Variants in PRKCA observed in about 807,000 individuals in gnomAD.
PRKCA encodes protein kinase C alpha.
Under a neutral mutation model 87.0 loss-of-function variants are expected in PRKCA, and 27 were observed. That is an observed-to-expected ratio of 0.31 (90% CI 0.23 to 0.43). The LOEUF (loss-of-function observed/expected upper bound fraction) is 0.43. Ranked by LOEUF, PRKCA falls within the 20% of genes least tolerant of loss-of-function variation. PRKCA has a pLI of 1.00. For synonymous variants in PRKCA, 329 were observed against 311.1 expected (o/e 1.06, Z -0.61); for missense variants, 518 against 852.3 (o/e 0.61, Z 4.88).
In PRKCA at chr17:66,314,875, A is replaced by ATATG. The variant is rs376227848; in HGVS notation, c.205+8749_205+8750insATGT. Among the ~76,000 whole-genome samples the ATATG allele has an allele frequency of 6.3e-3, 939 of 148,650 alleles. 5 individuals carry two copies. The highest frequency in any genetic ancestry group is 0.02 in the African/African-American group (814 of 40,332). ...TCTCTCTCTCTCTAGATATATATAT[A>ATATG]TGTGTGTGTGTGTGTGTGTGTGTGT... is the stretch of plus-strand genomic sequence containing the variant. On this transcript the variant is annotated intron_variant, in intron 2 of 16. Coordinates refer to ENST00000413366, the MANE Select transcript of PRKCA (RefSeq NM_002737.3).
intron 5 of PRKCA, among the ~76,000 whole-genome samples, chr17:66,655,347 T>A (rs530513119): frequency 1.3e-5 from 2 of 152,300 alleles, no homozygotes; most frequent in East Asian, 3.9e-4. Flanking sequence ...CCCTACACGT[T>A]TGCACTCAGA....
chr17:66,545,150 T>G (rs55739796), intron 3 of PRKCA, among the ~76,000 whole-genome samples: 3 of 152,088 alleles, frequency 2.0e-5, no homozygotes, highest in Admixed American at 1.3e-4. Context: ...TAATTTAGGC[T>G]GGGCGCAGTG....
At chr17:66,678,652 G>A (rs1450476359) in intron 5 of PRKCA, among the ~76,000 whole-genome samples, 8 of 147,494 alleles carry the variant, frequency 5.4e-5, no homozygotes, top group Non-Finnish European at 1.2e-4. Context: ...GGGCTAAACA[G>A]TCCTTGTTGA....
chr17:66,609,972 G>A (rs1015486869), intron 3 of PRKCA, among the ~76,000 whole-genome samples: 1 of 151,910 alleles, frequency 6.6e-6, no homozygotes. Context: ...GTGTCCTATA[G>A]TTCAGTGTAA....
intron 2 of PRKCA, among the ~76,000 whole-genome samples, chr17:66,387,576 G>T (rs1046436203): frequency 4.6e-5 from 7 of 152,188 alleles, no homozygotes; most frequent in Non-Finnish European, 7.3e-5. Flanking sequence ...GGGTTCTTGG[G>T]ACAAGTGGCT....
chr17:66,587,047 A>G (rs1005044826), intron 3 of PRKCA, among the ~76,000 whole-genome samples: 3 of 152,200 alleles, frequency 2.0e-5, no homozygotes, highest in African/African-American at 7.2e-5. Flanking sequence ...GTGTCTACTC[A>G]GAAACCTCAC....
At chr17:66,731,426 G>A (rs918313847) in intron 8 of PRKCA, among the ~76,000 whole-genome samples, 1 of 151,894 alleles carries the variant, frequency 6.6e-6, no homozygotes, top group Non-Finnish European at 1.5e-5. Flanking sequence ...GGCTGTGGAG[G>A]TCTAGCCAGG....
chr17:66,560,157 G>T (rs146091380), intron 3 of PRKCA, among the ~76,000 whole-genome samples: 1 of 152,104 alleles, frequency 6.6e-6, no homozygotes, highest in Non-Finnish European at 1.5e-5. Context: ...TGTGCTTGGC[G>T]GAGAGAGGCA....
chr17:66,399,778 G>A (rs1292683387), intron 2 of PRKCA, among the ~76,000 whole-genome samples: 1 of 152,140 alleles, frequency 6.6e-6, no homozygotes, highest in African/African-American at 2.4e-5. Context: ...TGTAGCATGT[G>A]ACAGGCTTCC....
At chr17:66,729,645 A>G (rs548671753) in intron 8 of PRKCA, among the ~76,000 whole-genome samples, 1 of 152,200 alleles carries the variant, frequency 6.6e-6, no homozygotes, top group South Asian at 2.1e-4. Context: ...CGTGTTTCAC[A>G]CTTTCAGTCT....
At chr17:66,755,886 C>T (rs1246534241) in intron 13 of PRKCA, among the ~76,000 whole-genome samples, 2 of 152,138 alleles carry the variant, frequency 1.3e-5, no homozygotes, top group Non-Finnish European at 2.9e-5. Context: ...TCCCTAGAGC[C>T]ATTGGAAAAA....
Position 66,554,515 on chromosome 17 carries a change from A to G in PRKCA, c.288+58232A>G, listed in dbSNP as rs1968438039. 4 of 952,324 alleles carry G rather than the reference A, an allele frequency of 4.2e-6. No individual in the cohort carries two copies. In the South Asian group the frequency reaches 1.5e-4, roughly 35 times the overall value. 59.0% of individuals were successfully genotyped at this position (952,324 alleles called of 1,614,324 possible). ...ACTACTCACATCATTTCTATTACCT[A>G]CAGCTCTTCTCCCCTGTATTGCTAG... On this transcript the variant is annotated intron_variant, in intron 3 of 16. Coordinates refer to ENST00000413366, the MANE Select transcript of PRKCA (RefSeq NM_002737.3).
At chr17:66,593,805 T>C (rs1969886974) in intron 3 of PRKCA, among the ~76,000 whole-genome samples, 1 of 152,146 alleles carries the variant, frequency 6.6e-6, no homozygotes. Context: ...TTTATCTGGC[T>C]GGGTGTGGGG....
intron 2 of PRKCA, among the ~76,000 whole-genome samples, chr17:66,452,650 A>G (rs1390202092): frequency 6.6e-6 from 1 of 152,176 alleles, no homozygotes; most frequent in Non-Finnish European, 1.5e-5. Flanking sequence ...GAAACCCACC[A>G]GTGGGTTCCA....
intron 3 of PRKCA, among the ~76,000 whole-genome samples, chr17:66,562,586 T>G (rs986450619): frequency 1.1e-5 from 1 of 91,680 alleles, no homozygotes; most frequent in Admixed American, 1.1e-4. Flanking sequence ...CTAAGTTTTG[T>G]TTTTTTTTGT....
chr17:66,622,687 C>G (rs1970720553), intron 3 of PRKCA, among the ~76,000 whole-genome samples: 3 of 152,188 alleles, frequency 2.0e-5, no homozygotes, highest in Non-Finnish European at 4.4e-5. Context: ...AAAAGTAGGT[C>G]TAATGGACTC....
chr17:66,650,707 G>A (rs772665848), intron 5 of PRKCA, among the ~76,000 whole-genome samples: 1 of 152,074 alleles, frequency 6.6e-6, no homozygotes, highest in Non-Finnish European at 1.5e-5. Flanking sequence ...GGCCCTGCGC[G>A]ATTTGATGTC....
In PRKCA at chr17:66,345,029, C is replaced by T. The variant is rs559378010; in HGVS notation, c.205+38902C>T. 5.9e-5 allele frequency among the ~76,000 whole-genome samples: 9 copies of T among 152,292 alleles called. No homozygotes were observed. In the South Asian group the frequency reaches 1.7e-3, roughly 28 times the overall value. ...AAGCCTGTTTTATGTAATGCCCCTGCATATGCTCAGAATCAAGGATTACCC... is the reference window on the plus strand; with the variant it reads ...AAGCCTGTTTTATGTAATGCCCCTGTATATGCTCAGAATCAAGGATTACCC... On this transcript the variant is annotated intron_variant, in intron 2 of 16. Transcript: ENST00000413366.
chr17:66,639,228 T>A (rs1971224888), intron 3 of PRKCA: 1 of 152,230 alleles, frequency 6.6e-6, no homozygotes, highest in African/African-American at 2.4e-5. Context: ...TAGGTACATG[T>A]TGAATATGAA....
Sources: allele counts gnomAD v4.1 joint callset (sites outside exome capture counted in the v4.1 genomes callset), GRCh38; gene constraint gnomAD v4.1.1; transcripts MANE v1.5; gene names NCBI Gene and HGNC (gene_info 2026-07-23, HGNC 2026-07-21).